The following NEK11 variants were observed in gnomAD, a reference collection of about 807,000 sequenced individuals.
The protein encoded by NEK11 is NIMA related kinase 11.
NEK11 carries 72 observed loss-of-function variants against 80.7 expected under a neutral mutation model. The observed-to-expected ratio is 0.89, with a 90% confidence interval of 0.74 to 1.08. The LOEUF (loss-of-function observed/expected upper bound fraction) is 1.08, where lower values mean the gene tolerates loss of function less well. Ranked by LOEUF, NEK11 falls within the 50% of genes least tolerant of loss-of-function variation. NEK11 has a pLI of 0.00. For synonymous variants in NEK11, 251 were observed against 260.7 expected, an observed-to-expected ratio of 0.96 and a Z score of 0.36; for missense variants, 764 against 763.6, an observed-to-expected ratio of 1.00 and a Z score of -0.01.
intron 3 of NEK11, among the ~76,000 whole-genome samples, chr3:131,059,638 C>A (rs568643341): frequency 6.6e-6 from 1 of 152,264 alleles, no homozygotes; most frequent in Non-Finnish European, 1.5e-5. Flanking sequence ...GTTTAATGGA[C>A]TTGTATCAAA....
intron 3 of NEK11, among the ~76,000 whole-genome samples, chr3:131,040,944 C>A (rs989276431): frequency 1.3e-5 from 2 of 152,210 alleles, no homozygotes; most frequent in African/African-American, 4.8e-5. Flanking sequence ...AAAACCTAAT[C>A]ACTTAGCTAT....
intron 3 of NEK11, among the ~76,000 whole-genome samples, chr3:131,076,573 T>TAGG (rs1360039056): frequency 1.3e-5 from 2 of 152,004 alleles, no homozygotes; most frequent in African/African-American, 4.8e-5. Context: ...AAATGATAAA[T>TAGG]AAAAAAACAC....
At position 131,155,058 on chromosome 3, in the gene NEK11, A is replaced by G; in HGVS notation, c.899A>G (p.Glu300Gly). Residue 300 changes from glutamate (E) to glycine (G), a missense_variant, in exon 10 of 18, where the codon GAA (glutamate) becomes GGA (glycine). Transcript: ENST00000383366. Reference protein sequence around the residue: ...QLQNLMCRYSEMTLEDKNLDC... With the variant: ...QLQNLMCRYSGMTLEDKNLDC... Reference sequence around the variant, plus strand: ...CAGAACCTAATGTGTAGATATTCAGAAATGACTCTGGAAGACAAAAATTTG... The same window carrying G: ...CAGAACCTAATGTGTAGATATTCAGGAATGACTCTGGAAGACAAAAATTTG... 6.2e-7 allele frequency: 1 copy of G among 1,610,330 alleles called. No homozygotes were observed.
intron 14 of NEK11, among the ~76,000 whole-genome samples, chr3:131,181,541 TG>T (rs1036061194): frequency 1.3e-5 from 2 of 151,992 alleles, no homozygotes; most frequent in Non-Finnish European, 2.9e-5. Flanking sequence ...GGTCAGGAGA[TG>T]GAGACCATCC....
intron 14 of NEK11, among the ~76,000 whole-genome samples, chr3:131,203,973 TA>T (rs1283612840): frequency 3.3e-5 from 5 of 151,730 alleles, no homozygotes; most frequent in Non-Finnish European, 7.4e-5. Flanking sequence ...ACCTTCATTC[TA>T]GAGAGGGTCC....
rs749808969 is a variant in NEK11 at position 131,029,767 on chromosome 3, A to G, written c.59A>G (p.Tyr20Cys). The change falls in exon 3 of 18, where the codon TAT (tyrosine) becomes TGT (cysteine). Residue 20 changes from tyrosine (Y) to cysteine (C), a missense_variant. Physicochemically the swap from Tyr to Cys is radical, Grantham distance 194. Coordinates refer to ENST00000383366, the MANE Select transcript of NEK11 (RefSeq NM_024800.5). ...AGTGGATCAACAGCCATTTCCACTT[A>G]TCCAAAGACCTTGATTGCAAGAAGA... Reference protein sequence around the residue: ...CVSGSTAISTYPKTLIARRYV... With the variant: ...CVSGSTAISTCPKTLIARRYV... 6.2e-7 allele frequency: 1 copy of G among 1,614,222 alleles called. No individual in the cohort carries two copies. Among genetic ancestry groups the G allele is most frequent in the South Asian group, 1.1e-5 (1 of 91,086 alleles).
chr3:131,061,337 C>T lies in NEK11; in HGVS notation c.171-19086C>T, dbSNP rs185374495. Among the ~76,000 whole-genome samples the T allele has an allele frequency of 5.9e-5, 9 of 152,300 alleles. No individual in the cohort carries two copies. In the East Asian group the frequency reaches 1.7e-3, roughly 29 times the overall value. On this transcript the variant is annotated intron_variant, in intron 3 of 17. Coordinates refer to ENST00000383366, the MANE Select transcript of NEK11 (RefSeq NM_024800.5). ...TTAAGTGGTGTCAAGTTGAGTTTAG[C>T]TGGCCCATCTGCCACAGAAGGAAGT... is the stretch of plus-strand genomic sequence containing the variant.
chr3:131,043,482 GTCAAA>G (rs1043103352), intron 3 of NEK11, among the ~76,000 whole-genome samples: 1 of 152,176 alleles, frequency 6.6e-6, no homozygotes, highest in African/African-American at 2.4e-5. Flanking sequence ...AGTATCAATA[GTCAAA>G]TCAATCAAGT....
intron 14 of NEK11, among the ~76,000 whole-genome samples, chr3:131,193,008 T>G (rs1457137841): frequency 2.0e-5 from 3 of 152,174 alleles, no homozygotes; most frequent in African/African-American, 7.2e-5. Context: ...GAAGAGCTTT[T>G]GTTTACATGG....
intron 13 of NEK11, 118 bp from the exon 14 acceptor site, chr3:131,170,655 G>T: frequency 1.4e-6 from 1 of 694,498 alleles, no homozygotes; most frequent in Non-Finnish European, 2.6e-6. Context: ...ACGTTTAAGG[G>T]AGAGGATTAG....
At chr3:131,096,452 T>C (rs2077444782) in intron 4 of NEK11, among the ~76,000 whole-genome samples, 2 of 152,182 alleles carry the variant, frequency 1.3e-5, no homozygotes, top group Non-Finnish European at 2.9e-5. Flanking sequence ...GCTGATTCCA[T>C]GTCTTTGCTG....
intron 17 of NEK11, among the ~76,000 whole-genome samples, chr3:131,319,092 C>G (rs1462838504): frequency 3.3e-5 from 5 of 152,090 alleles, no homozygotes; most frequent in Non-Finnish European, 7.4e-5. Context: ...AAATTTCAGA[C>G]TAAGATAAAT....
At chr3:131,067,504 C>G (rs1445331593) in intron 3 of NEK11, among the ~76,000 whole-genome samples, 1 of 152,072 alleles carries the variant, frequency 6.6e-6, no homozygotes, top group African/African-American at 2.4e-5. Flanking sequence ...AAATACCCCT[C>G]GTAATAGGCA....
chr3:131,053,469 T>G (rs2068786044), intron 3 of NEK11: 1 of 152,252 alleles, frequency 6.6e-6, no homozygotes, highest in South Asian at 2.1e-4. Context: ...ATGAGCCAGA[T>G]CTGGTTTTTC....
At chr3:131,110,344 G>T (rs1008095926) in intron 5 of NEK11, among the ~76,000 whole-genome samples, 1 of 152,006 alleles carries the variant, frequency 6.6e-6, no homozygotes, top group Admixed American at 6.6e-5. Context: ...CACTTAGCTA[G>T]GTTCACATCC....
At chr3:131,320,690 G>A (rs1305211366) in intron 17 of NEK11, among the ~76,000 whole-genome samples, 1 of 152,064 alleles carries the variant, frequency 6.6e-6, no homozygotes. Flanking sequence ...AAGCTGGCCT[G>A]ATCCTATAAG....
chr3:131,314,182 G>C (rs2096811932), intron 17 of NEK11, among the ~76,000 whole-genome samples: 1 of 150,964 alleles, frequency 6.6e-6, no homozygotes, highest in Non-Finnish European at 1.5e-5. Context: ...GTAGAATACT[G>C]TAACCACAAT....
At chr3:131,117,236 C>A (rs2081404846) in intron 5 of NEK11, among the ~76,000 whole-genome samples, 1 of 152,186 alleles carries the variant, frequency 6.6e-6, no homozygotes, top group African/African-American at 2.4e-5. Context: ...AGAGGGAATC[C>A]TTTCCCCATT....
intron 14 of NEK11, among the ~76,000 whole-genome samples, chr3:131,201,311 A>G (rs2094216225): frequency 6.6e-6 from 1 of 151,848 alleles, no homozygotes; most frequent in South Asian, 2.1e-4. Flanking sequence ...AGGCTTACAA[A>G]TAGGAAGGGA....
Sources: gnomAD v4.1 joint callset for allele counts (sites outside exome capture counted in the v4.1 genomes callset) on GRCh38, gnomAD v4.1.1 for gene constraint, MANE v1.5 for transcripts, NCBI Gene and HGNC (gene_info 2026-07-23, HGNC 2026-07-21) for gene names.